MBP: variants seen among roughly 807,000 people sequenced by gnomAD.
MBP encodes the protein myelin basic protein, also known as Golli-MBP.
Under a neutral mutation model 35.8 loss-of-function variants are expected in MBP, and 16 were observed. The observed-to-expected ratio is 0.45, with a 90% CI of 0.30 to 0.68. The LOEUF is 0.68. MBP is among the 30% of genes least tolerant of loss of function. MBP has a pLI of 0.08. For synonymous variants in MBP, 143 were observed against 159.6 expected, an observed-to-expected ratio of 0.90 and a Z score of 0.78; for missense variants, 380 against 404.7, an observed-to-expected ratio of 0.94 and a Z score of 0.52.
chr18:77,112,673 G>A (rs1373635984), intron 1 of MBP: 2 of 152,556 alleles, frequency 1.3e-5, no homozygotes, highest in Admixed American at 1.3e-4. Flanking sequence ...GGGGCCGGCT[G>A]TTTGCAGGGG....
In MBP at chr18:77,101,588, G is replaced by A. The variant is rs1976012048; in HGVS notation, c.51+3623C>T. 1.3e-5 allele frequency among the ~76,000 whole-genome samples: 2 copies of A among 152,134 alleles called. No individual in the cohort carries two copies. The highest frequency in any genetic ancestry group is 6.5e-5 in the Admixed American group (1 of 15,278). The stretch of plus-strand genomic sequence containing the variant: ...GACCCTCAACTGGCCCAGGAAGGTG[G>A]CTCAACCACTTGTTACCAGGGACCT... On this transcript the variant is annotated intron_variant, in intron 2 of 8. Transcript: ENST00000355994. The surrounding 1 kb of genome is among the most constrained non-coding windows in gnomAD (Gnocchi z 4.3).
chr18:77,066,918 G>A (rs1382856989), intron 2 of MBP, among the ~76,000 whole-genome samples: 1 of 152,194 alleles, frequency 6.6e-6, no homozygotes, highest in Non-Finnish European at 1.5e-5. Flanking sequence ...GGTGGGCCAG[G>A]CCCCCTGGCC....
chr18:77,085,657 T>A (rs959297989), intron 2 of MBP, among the ~76,000 whole-genome samples: 9 of 151,912 alleles, frequency 5.9e-5, no homozygotes, highest in African/African-American at 2.2e-4. Flanking sequence ...AAAAACCAGG[T>A]TTTAATGTGA....
intron 3 of MBP, among the ~76,000 whole-genome samples, chr18:77,043,692 C>A (rs1568309425): frequency 6.6e-6 from 1 of 152,192 alleles, no homozygotes. Flanking sequence ...AACTTGCGTG[C>A]GTGCCCCGCA....
chr18:77,116,949 T>TC (rs1272136814), intron 1 of MBP, among the ~76,000 whole-genome samples: 1 of 152,080 alleles, frequency 6.6e-6, no homozygotes, highest in Non-Finnish European at 1.5e-5. Context: ...CACCAACAGG[T>TC]CGGAGCTGAG....
upstream of MBP, among the ~76,000 whole-genome samples, chr18:77,133,248 A>C (rs1024847593): frequency 1.3e-5 from 2 of 152,202 alleles, no homozygotes; most frequent in African/African-American, 4.8e-5. Flanking sequence ...AGGAGCCGGC[A>C]GGTCCTCCCA....
At chr18:77,066,522 A>T in intron 2 of MBP, 137 bp from the exon 3 acceptor site, 1 of 785,818 alleles carries the variant, frequency 1.3e-6, no homozygotes, top group Non-Finnish European at 2.3e-6. Context: ...TAGAATATAG[A>T]GCCTTGGTTC....
intron 2 of MBP, among the ~76,000 whole-genome samples, chr18:77,089,669 G>A (rs946749111): frequency 6.6e-6 from 1 of 152,212 alleles, no homozygotes; most frequent in South Asian, 2.1e-4. Context: ...GGGAGTAGCC[G>A]CTCTTGGGCT....
At chr18:76,992,198 T>C (rs934966954) in intron 4 of MBP, among the ~76,000 whole-genome samples, 4 of 152,126 alleles carry the variant, frequency 2.6e-5, no homozygotes, top group African/African-American at 9.7e-5. Flanking sequence ...TGGAAGACAG[T>C]TTTTCCATGG....
intron 3 of MBP, among the ~76,000 whole-genome samples, chr18:77,031,166 C>A (rs1972527868): frequency 6.6e-6 from 1 of 152,226 alleles, no homozygotes; most frequent in African/African-American, 2.4e-5. Context: ...CCACACTAAA[C>A]TGAAATAAGA....
Position 76,984,774 on chromosome 18 carries a change from C to G in MBP, c.870+1G>C. The G allele has an allele frequency of 6.2e-7, 1 of 1,613,978 alleles. No individual in the cohort carries two copies. Among genetic ancestry groups the G allele is most frequent in the Non-Finnish European group, 8.5e-7 (1 of 1,180,018 alleles). On this transcript the variant is annotated splice_donor_variant, in intron 8 of 8. Transcript: ENST00000355994. LOFTEE classifies it high-confidence loss of function. ...GTGGAGCTGAGCAGAGGGTACCTTA[C>G]CAGCTTAAAAATTTTGGAAAGCGTG...
chr18:77,001,781 C>T (rs1041067661), intron 4 of MBP, among the ~76,000 whole-genome samples: 17 of 152,046 alleles, frequency 1.1e-4, no homozygotes, highest in Admixed American at 4.6e-4. Context: ...ACCTGGGAGG[C>T]GGAGGTTGCA....
chr18:77,031,712 A>T (rs923713075), intron 3 of MBP, among the ~76,000 whole-genome samples: 2 of 152,236 alleles, frequency 1.3e-5, no homozygotes, highest in Non-Finnish European at 2.9e-5. Context: ...GCAGACCATC[A>T]GCCTCTTGGC....
At chr18:77,083,356 G>C (rs1009435126) in intron 2 of MBP, among the ~76,000 whole-genome samples, 4 of 152,132 alleles carry the variant, frequency 2.6e-5, no homozygotes, top group Non-Finnish European at 5.9e-5. Context: ...TTACAACGAC[G>C]TCCAGGACCC....
At chr18:77,028,951 G>T (rs949606210) in intron 3 of MBP, among the ~76,000 whole-genome samples, 9 of 86,600 alleles carry the variant, frequency 1.0e-4, no homozygotes, top group East Asian at 4.6e-4. Flanking sequence ...AGGCAGAGGG[G>T]CTCCATCCCA....
chr18:77,082,083 AC>A (rs1471544576), intron 2 of MBP, among the ~76,000 whole-genome samples: 1 of 151,646 alleles, frequency 6.6e-6, no homozygotes, highest in East Asian at 1.9e-4. Flanking sequence ...CGATCTCCTG[AC>A]CTTGTGATCC....
chr18:77,083,051 T>C (rs1381240009), intron 2 of MBP, among the ~76,000 whole-genome samples: 1 of 151,822 alleles, frequency 6.6e-6, no homozygotes, highest in Non-Finnish European at 1.5e-5. Flanking sequence ...CTTAGCTCAC[T>C]GCAACTCCAC....
intron 1 of MBP, among the ~76,000 whole-genome samples, chr18:77,107,587 C>T (rs1424096922): frequency 2.0e-5 from 3 of 152,320 alleles, no homozygotes; most frequent in African/African-American, 7.2e-5. Flanking sequence ...GCAAGGGGCT[C>T]TTGAACGCAG....
At chr18:77,122,493 A>G (rs1388740936) in intron 1 of MBP, among the ~76,000 whole-genome samples, 4 of 151,580 alleles carry the variant, frequency 2.6e-5, no homozygotes, top group Non-Finnish European at 5.9e-5. Context: ...TGGGAAGTGA[A>G]CTGCGGCATA....
Sources: gnomAD v4.1 joint callset for allele counts (sites outside exome capture counted in the v4.1 genomes callset) on GRCh38, gnomAD v4.1.1 for gene constraint, Gnocchi (gnomAD v3.1) non-coding constraint, MANE v1.5 for transcripts, NCBI Gene and HGNC (gene_info 2026-07-23, HGNC 2026-07-21) for gene names.